PCNX1: variants seen among roughly 807,000 people sequenced by gnomAD.
The protein encoded by PCNX1 is pecanex-like protein 1.
In PCNX1, 78 loss-of-function variants were observed where a neutral mutation model predicts 242.2. The ratio of observed to expected loss-of-function variants is 0.32; its 90% CI spans 0.27 to 0.39. PCNX1 has a LOEUF of 0.39. Ranked by LOEUF, PCNX1 falls within the 10% of genes least tolerant of loss-of-function variation. The pLI is 1.00. For synonymous variants in PCNX1, 1,024 were observed against 1,032.9 expected (o/e 0.99, Z 0.17); for missense variants, 2,581 against 2,856.5 (o/e 0.90, Z 2.20).
intron 26 of PCNX1, 114 bp from the exon 27 acceptor site, chr14:71,073,431 A>C: frequency 9.9e-7 from 1 of 1,009,740 alleles, no homozygotes; most frequent in Non-Finnish European, 1.5e-6. Flanking sequence ...AATCCATCAC[A>C]TACTTTCAAT....
At chr14:70,947,252 G>C (rs978848159) in intron 2 of PCNX1, 129 bp downstream of exon 2, 11 of 670,310 alleles carry the variant, frequency 1.6e-5, no homozygotes, top group Non-Finnish European at 2.6e-5. Context: ...TACCACTGTA[G>C]ATACAATGAT....
chr14:71,039,859 G>C (rs2060655003), intron 19 of PCNX1, among the ~76,000 whole-genome samples: 1 of 152,158 alleles, frequency 6.6e-6, no homozygotes, highest in Non-Finnish European at 1.5e-5. Context: ...AGCTCATCAA[G>C]GACTATGTCT....
intron 2 of PCNX1, among the ~76,000 whole-genome samples, chr14:70,957,895 T>C (rs1336758254): frequency 6.6e-6 from 1 of 152,132 alleles, no homozygotes; most frequent in African/African-American, 2.4e-5. Context: ...CCTTTCTGTG[T>C]TGTTATTTCT....
chr14:71,008,485 T>G (rs2059727795), intron 8 of PCNX1, among the ~76,000 whole-genome samples: 1 of 151,714 alleles, frequency 6.6e-6, no homozygotes, highest in Non-Finnish European at 1.5e-5. Flanking sequence ...TGAAAACCTG[T>G]CTCTACTAAA....
At chr14:70,924,028 C>T (rs779347837) in intron 1 of PCNX1, among the ~76,000 whole-genome samples, 6 of 151,864 alleles carry the variant, frequency 4.0e-5, no homozygotes, top group African/African-American at 1.2e-4. Context: ...TCCAGGAGTT[C>T]GAGACTAGCC....
At chr14:70,919,149 A>C (rs1284128717) in intron 1 of PCNX1, among the ~76,000 whole-genome samples, 1 of 152,046 alleles carries the variant, frequency 6.6e-6, no homozygotes, top group Non-Finnish European at 1.5e-5. Context: ...CTCCAGAGTC[A>C]CTGGGATTAC....
intron 33 of PCNX1, among the ~76,000 whole-genome samples, chr14:71,106,882 C>G (rs2062638713): frequency 6.6e-6 from 1 of 152,110 alleles, no homozygotes; most frequent in Non-Finnish European, 1.5e-5. Context: ...CCCATTCTGT[C>G]CCTTGTCTTT....
At chr14:70,992,614 A>G (rs1268999527) in intron 7 of PCNX1, among the ~76,000 whole-genome samples, 2 of 152,226 alleles carry the variant, frequency 1.3e-5, no homozygotes, top group African/African-American at 4.8e-5. Flanking sequence ...ACGAAGACCA[A>G]CTATTTTTCA....
At chr14:71,031,260 C>A (rs959863373) in intron 16 of PCNX1, among the ~76,000 whole-genome samples, 3 of 152,212 alleles carry the variant, frequency 2.0e-5, no homozygotes, top group African/African-American at 7.2e-5. Context: ...GTGTCTGTCC[C>A]TGACTCATCT....
intron 3 of PCNX1, among the ~76,000 whole-genome samples, 173 bp from the exon 4 acceptor site, chr14:70,968,025 C>A (rs1290895285): frequency 6.6e-6 from 1 of 152,158 alleles, no homozygotes. Context: ...CCGCAGCCAA[C>A]AGGTTGCGTG....
rs1399087717 is a variant in PCNX1 at position 70,914,202 on chromosome 14, C to T, written c.153+6199C>T. 4.6e-5 allele frequency among the ~76,000 whole-genome samples: 7 copies of T among 151,976 alleles called. 1 individual carries two copies. The East Asian group carries it at 5.8e-4, about 13-fold the overall frequency. The stretch of plus-strand genomic sequence containing the variant: ...GGGGATTCCAAAAGCGGGTAGGGGG[C>T]GAGGGTTGAAAAGCTATACATTGGC... On this transcript the variant is annotated intron_variant, in intron 1 of 35. Transcript: ENST00000304743.
intron 8 of PCNX1, among the ~76,000 whole-genome samples, chr14:71,003,346 C>G (rs1383883255): frequency 6.6e-6 from 1 of 152,056 alleles, no homozygotes; most frequent in East Asian, 1.9e-4. Flanking sequence ...CCGCCTCGGC[C>G]CCCCAAAGCG....
intron 7 of PCNX1, among the ~76,000 whole-genome samples, chr14:70,990,883 T>G (rs1272074343): frequency 6.6e-6 from 1 of 152,168 alleles, no homozygotes; most frequent in Non-Finnish European, 1.5e-5. Flanking sequence ...CTATTTTGTT[T>G]CTAACCTCTT....
intron 30 of PCNX1, among the ~76,000 whole-genome samples, 177 bp downstream of exon 30, chr14:71,089,519 TTA>T (rs2062073455): frequency 6.6e-6 from 1 of 152,134 alleles, no homozygotes; most frequent in Non-Finnish European, 1.5e-5. Context: ...CTCAGGAAAC[TTA>T]CAGTCATGGC....
At chr14:70,949,545 C>T (rs1260090405) in intron 2 of PCNX1, among the ~76,000 whole-genome samples, 2 of 151,870 alleles carry the variant, frequency 1.3e-5, no homozygotes, top group Non-Finnish European at 2.9e-5. Context: ...CTTTACTTAA[C>T]CTATTGTAAA....
intron 1 of PCNX1, among the ~76,000 whole-genome samples, chr14:70,930,776 G>GC (rs1260117882): frequency 1.4e-5 from 2 of 146,572 alleles, no homozygotes; most frequent in African/African-American, 2.5e-5. Flanking sequence ...AGAATATTAT[G>GC]TTTTTTTTTT....
rs763403151 is a variant in PCNX1 at position 71,019,107 on chromosome 14, T to A, written c.3095T>A (p.Ile1032Asn). The A allele has an allele frequency of 3.7e-6, 6 of 1,613,570 alleles. No homozygotes were observed. Among genetic ancestry groups the A allele is most frequent in the Non-Finnish European group, 5.1e-6 (6 of 1,179,670 alleles). ...CTCATACAAGGATTCTTCAGAGATA[T>A]CTGGGTCTTCCAGTTCTGCCTCGTC... ...ILLIQGFFRD[I>N]WVFQFCLVIA... is the part of the protein sequence containing the mutation. Residue 1032 changes from isoleucine to asparagine, a missense_variant, in exon 12 of 36, where the codon ATC (isoleucine) becomes AAC (asparagine). This residue lies in a region of PCNX1 where 55 missense variants were observed against 49.8 expected (regional missense o/e 1.10). Transcript: ENST00000304743.
chr14:71,009,525 G>T, intron 8 of PCNX1, 109 bp from the exon 9 acceptor site: 1 of 558,606 alleles, frequency 1.8e-6, no homozygotes, highest in South Asian at 4.1e-5. Flanking sequence ...TTTTTTTAAA[G>T]GTTATGGTGT....
chr14:71,106,696 A>G (rs990739485), intron 33 of PCNX1, among the ~76,000 whole-genome samples: 1 of 152,080 alleles, frequency 6.6e-6, no homozygotes, highest in Non-Finnish European at 1.5e-5. Flanking sequence ...TTTAATTTGC[A>G]TTACTCTGAT....
Sources: allele counts gnomAD v4.1 joint callset (sites outside exome capture counted in the v4.1 genomes callset), GRCh38; gene constraint gnomAD v4.1.1; regional missense constraint gnomAD v4.1.1; transcripts MANE v1.5; gene names NCBI Gene and HGNC (gene_info 2026-07-23, HGNC 2026-07-21).